The following GON4L variants were observed in gnomAD, a reference collection of about 807,000 sequenced individuals.
GON4L encodes the protein GON-4-like protein.
A neutral mutation model predicts 211.8 loss-of-function variants in GON4L; 87 were observed. That is an observed-to-expected ratio of 0.41 (90% CI 0.35 to 0.49). The LOEUF is 0.49. Ranked by LOEUF, GON4L falls within the 20% of genes least tolerant of loss-of-function variation. The pLI is 0.15. For synonymous variants in GON4L, 875 were observed against 962.6 expected (o/e 0.91, Z 1.68); for missense variants, 2,155 against 2,659.5 (o/e 0.81, Z 4.17).
intron 24 of GON4L, among the ~76,000 whole-genome samples, chr1:155,758,696 T>C (rs1661445767): frequency 6.6e-6 from 1 of 152,082 alleles, no homozygotes; most frequent in South Asian, 2.1e-4. Context: ...CTGACCAACA[T>C]GGTGAAACCC....
At chr1:155,822,130 C>G (rs1668790944) in intron 4 of GON4L, among the ~76,000 whole-genome samples, 156 bp downstream of exon 4, 1 of 152,180 alleles carries the variant, frequency 6.6e-6, no homozygotes, top group Non-Finnish European at 1.5e-5. Context: ...AAGGAGAAAG[C>G]TATCTTAAAT....
intron 2 of GON4L, among the ~76,000 whole-genome samples, chr1:155,835,037 G>T (rs188010634): frequency 2.6e-5 from 4 of 152,222 alleles, no homozygotes; most frequent in African/African-American, 9.6e-5. Flanking sequence ...TAATACAAAG[G>T]GGGGAAAGGT....
intron 12 of GON4L, among the ~76,000 whole-genome samples, chr1:155,790,105 AT>A (rs750024980): frequency 5.5e-4 from 80 of 145,212 alleles, no homozygotes; most frequent in East Asian, 1.2e-3. Flanking sequence ...CACCCAGATA[AT>A]TTTTTTTTTT....
At chr1:155,810,870 CT>C (rs1253165480) in intron 10 of GON4L, among the ~76,000 whole-genome samples, 1 of 151,966 alleles carries the variant, frequency 6.6e-6, no homozygotes, top group African/African-American at 2.4e-5. Flanking sequence ...AAAAAATTAG[CT>C]GGCGTAGTGG....
chr1:155,812,417 A>AT (rs1667869639), intron 10 of GON4L, among the ~76,000 whole-genome samples: 1 of 152,206 alleles, frequency 6.6e-6, no homozygotes, highest in South Asian at 2.1e-4. Flanking sequence ...GAACAAGATA[A>AT]TTAAATAGAT....
intron 2 of GON4L, among the ~76,000 whole-genome samples, chr1:155,840,228 C>A (rs1338376851): frequency 3.3e-5 from 5 of 152,174 alleles, no homozygotes; most frequent in Non-Finnish European, 7.3e-5. Flanking sequence ...CATACTTTGT[C>A]CGATTAAATT....
At chr1:155,822,017 ATACAG>A (rs1557900008) in intron 4 of GON4L, among the ~76,000 whole-genome samples, 1 of 152,342 alleles carries the variant, frequency 6.6e-6, no homozygotes, top group East Asian at 1.9e-4. Flanking sequence ...CTACTAAACA[ATACAG>A]TAAATATGAA....
At position 155,757,188 on chromosome 1, in the gene GON4L, C is replaced by G; in HGVS notation, c.5389G>C (p.Glu1797Gln). 1 of 1,613,976 alleles carries G rather than the reference C, an allele frequency of 6.2e-7. No homozygotes were observed. The highest frequency in any genetic ancestry group is 1.1e-5 in the South Asian group (1 of 91,078). Reference protein sequence around the residue: ...FEEINWTEEKEYEFDGFEEVA... With the variant: ...FEEINWTEEKQYEFDGFEEVA... ...AGCCTTAGGTCCTATACCTCATACT[C>G]CTTTTCCTCAGTCCAATTGATCTCT... is the stretch of plus-strand genomic sequence containing the variant. Residue 1797 changes from glutamate to glutamine, a missense_variant, in exon 26 of 32, where the codon GAG becomes CAG. Glu to Gln is a conservative substitution (Grantham distance 29). Transcript: ENST00000368331.
intron 22 of GON4L, 48 bp downstream of exon 22, chr1:155,763,264 A>G: frequency 6.3e-7 from 1 of 1,584,342 alleles, no homozygotes; most frequent in Admixed American, 1.7e-5. Context: ...CCTCTAGACA[A>G]TGAGGTTAAG....
At chr1:155,760,329 T>C (rs76466524) in intron 24 of GON4L, 115 bp downstream of exon 24, 33,135 of 644,038 alleles carry the variant, frequency 0.051, 1,121 homozygotes, top group African/African-American at 0.11. Flanking sequence ...GGCTAGGGGA[T>C]GGCTGTGTGT....
intron 24 of GON4L, among the ~76,000 whole-genome samples, chr1:155,758,298 G>A (rs1302667821): frequency 1.3e-5 from 2 of 152,206 alleles, no homozygotes; most frequent in African/African-American, 4.8e-5. Flanking sequence ...GCTGTTTTAA[G>A]GATTGTGAAA....
chr1:155,833,753 G>GA, intron 2 of GON4L, among the ~76,000 whole-genome samples: 1 of 125,700 alleles, frequency 8.0e-6, no homozygotes, highest in Admixed American at 8.2e-5. Context: ...GAGAGGAGGA[G>GA]GGGAGGAAGG....
chr1:155,797,649 G>A (rs1162015244), intron 11 of GON4L, among the ~76,000 whole-genome samples: 1 of 142,948 alleles, frequency 7.0e-6, no homozygotes, highest in Non-Finnish European at 1.5e-5. Context: ...TTCGAGACCA[G>A]CCTGGCCAAC....
rs143802760 is a variant in GON4L at position 155,821,691 on chromosome 1, C to A, written c.889-143G>T. The A allele has an allele frequency of 9.1e-6, 6 of 662,482 alleles. No homozygotes were observed. In the East Asian group the frequency reaches 1.5e-4, roughly 16 times the overall value. 41.0% of individuals were successfully genotyped at this position (662,482 alleles called of 1,614,324 possible). A position where few individuals can be genotyped will look rare whatever the true frequency, so the allele number is the denominator to read the frequency against. On this transcript the variant is annotated intron_variant, in intron 4 of 31. Transcript: ENST00000368331. ...AGCATCAGACTGGGGTAAAGCAAGG[C>A]AACTGAAAGCAAAGAAGGCAGAAGT...
intron 2 of GON4L, among the ~76,000 whole-genome samples, chr1:155,850,033 G>T (rs1358023668): frequency 6.7e-6 from 1 of 149,916 alleles, no homozygotes; most frequent in Non-Finnish European, 1.5e-5. Context: ...AAGGCATGGG[G>T]AGAATAAAGA....
intron 10 of GON4L, among the ~76,000 whole-genome samples, chr1:155,808,334 G>A (rs909405245): frequency 6.6e-6 from 1 of 151,816 alleles, no homozygotes; most frequent in Non-Finnish European, 1.5e-5. Context: ...CCACCACACT[G>A]GGCATCTGTT....
chr1:155,784,866 C>A, intron 13 of GON4L: 1 of 273,800 alleles, frequency 3.7e-6, no homozygotes, highest in South Asian at 4.2e-5. Flanking sequence ...ATAATTCCAG[C>A]ACTGGGAGGC....
intron 21 of GON4L, chr1:155,764,743 A>T (rs1662250623): frequency 1.7e-6 from 2 of 1,152,820 alleles, no homozygotes; most frequent in Non-Finnish European, 2.5e-6. Flanking sequence ...CCAGCCTATT[A>T]CTATTTTTTA....
chr1:155,834,894 G>C (rs1670150045), intron 2 of GON4L, among the ~76,000 whole-genome samples: 1 of 146,586 alleles, frequency 6.8e-6, no homozygotes, highest in Admixed American at 6.6e-5. Flanking sequence ...CCCCGTCCGG[G>C]AGGTGAGGGG....
Sources: gnomAD v4.1 joint callset for allele counts (sites outside exome capture counted in the v4.1 genomes callset) on GRCh38, gnomAD v4.1.1 for gene constraint, MANE v1.5 for transcripts, NCBI Gene and HGNC (gene_info 2026-07-23, HGNC 2026-07-21) for gene names.